Variants in SNCB observed in about 807,000 individuals in gnomAD.
SNCB encodes the protein synuclein beta.
In SNCB, 8 loss-of-function variants were observed where a neutral mutation model predicts 20.0. That is an observed-to-expected ratio of 0.40 (90% CI 0.24 to 0.72). The LOEUF is 0.72. Ranked by LOEUF, SNCB falls within the 30% of genes least tolerant of loss-of-function variation. SNCB has a pLI of 0.37. For synonymous variants in SNCB, 56 were observed against 65.4 expected (o/e 0.86, Z 0.69); for missense variants, 125 against 168.0 (o/e 0.74, Z 1.41).
Position 176,626,715 on chromosome 5 carries a change from A to G in SNCB, c.163+5T>C, listed in dbSNP as rs2113403269. On this transcript the variant is annotated splice_donor_5th_base_variant and intron_variant, in intron 3 of 5. Coordinates refer to ENST00000393693, the MANE Select transcript of SNCB (RefSeq NM_003085.5). This position sits in a 1 kb window ranked among gnomAD's most constrained non-coding sequence, Gnocchi z 4.2. Reference sequence around the variant, plus strand: ...GAAGGGCTGGTGCCAGGGCTGGGCTAGTACCTGAAGCCACACCTTGTACCA... The same window carrying G: ...GAAGGGCTGGTGCCAGGGCTGGGCTGGTACCTGAAGCCACACCTTGTACCA... The G allele has an allele frequency of 6.2e-7, 1 of 1,613,852 alleles. No individual in the cohort carries two copies. The highest frequency in any genetic ancestry group is 8.5e-7 in the Non-Finnish European group (1 of 1,179,932).
intron 2 of SNCB, among the ~76,000 whole-genome samples, chr5:176,627,624 G>A (rs906881779): frequency 4.6e-5 from 7 of 151,918 alleles, no homozygotes; most frequent in Non-Finnish European, 8.8e-5. Flanking sequence ...CAGTGATGGA[G>A]CCAGAACTGG....
In SNCB at chr5:176,626,969, C is replaced by T. The variant is rs1266442195; in HGVS notation, c.122-208G>A. Among the ~76,000 whole-genome samples, 1 of 152,188 alleles carries T rather than the reference C, an allele frequency of 6.6e-6. No homozygotes were observed. Among genetic ancestry groups the T allele is most frequent in the African/African-American group, 2.4e-5 (1 of 41,438 alleles). ...TGTCTGCAAGGGTTGCAGTTCTCTC[C>T]CACCTGATGCGATACCCCACCCCTC... On this transcript the variant is annotated intron_variant, in intron 2 of 5. Transcript: ENST00000393693. This position sits in a 1 kb window ranked among gnomAD's most constrained non-coding sequence, Gnocchi z 4.2.
chr5:176,628,923 C>T (rs556627319), intron 2 of SNCB, among the ~76,000 whole-genome samples: 48 of 152,178 alleles, frequency 3.2e-4, no homozygotes, highest in Admixed American at 7.9e-4. Flanking sequence ...GGAAAGTGGA[C>T]GGGGAAGAGA....
chr5:176,628,505 G>T (rs6873857), intron 2 of SNCB, among the ~76,000 whole-genome samples: 2 of 152,168 alleles, frequency 1.3e-5, no homozygotes, highest in African/African-American at 2.4e-5. Context: ...TCGTGGCCAT[G>T]ATAACAACGT....
chr5:176,624,818 C>CAAAAAAAAAAAAAAAAA (rs1202696856), intron 4 of SNCB, among the ~76,000 whole-genome samples: 1 of 133,004 alleles, frequency 7.5e-6, no homozygotes. Flanking sequence ...AAAAAAAAAA[C>CAAAAAAAAAAAAAAAAA]AAAAAAAAAC....
At chr5:176,623,600 G>T (rs1021932435) in intron 4 of SNCB, among the ~76,000 whole-genome samples, 1 of 152,192 alleles carries the variant, frequency 6.6e-6, no homozygotes, top group Non-Finnish European at 1.5e-5. Flanking sequence ...GGGTCACAAG[G>T]TGGGGTCCTG....
In SNCB at chr5:176,626,466, A is replaced by C; in HGVS notation, c.214T>G (p.Ser72Ala). ...GCTGCTGCGATGTTCCCTGCCCCAGAGAACACAGCTCCTCCCAGATGTGAG... is the reference window on the plus strand; with the variant it reads ...GCTGCTGCGATGTTCCCTGCCCCAGCGAACACAGCTCCTCCCAGATGTGAG... ...QASHLGGAVF[S>A]GAGNIAAATG... Residue 72 changes from serine (S) to alanine (A), a missense_variant, in exon 4 of 6, where the codon TCT becomes GCT. By Grantham distance (99) the Ser-to-Ala change is moderately conservative. Coordinates refer to ENST00000393693, the MANE Select transcript of SNCB (RefSeq NM_003085.5). The surrounding 1 kb of genome is among the most constrained non-coding windows in gnomAD (Gnocchi z 4.2). The C allele has an allele frequency of 6.2e-7, 1 of 1,614,070 alleles. No individual in the cohort carries two copies. The highest frequency in any genetic ancestry group is 1.1e-5 in the South Asian group (1 of 91,076).
In SNCB at chr5:176,626,532, G is replaced by T. The variant is rs748436541; in HGVS notation, c.164-16C>A. 35 of 1,597,258 alleles carry T rather than the reference G, an allele frequency of 2.2e-5. 1 individual carries two copies. Among genetic ancestry groups the T allele is most frequent in the Non-Finnish European group, 2.4e-5 (28 of 1,164,738 alleles). ...TTTTCAGCCACTGGAGCAGGGAGGG[G>T]GTTGAGGAAGGGGTTTGGGAGCCAG... On this transcript the variant is annotated splice_polypyrimidine_tract_variant and intron_variant, in intron 3 of 5. Transcript: ENST00000393693. The surrounding 1 kb of genome is among the most constrained non-coding windows in gnomAD (Gnocchi z 4.2).
rs1186553763 is a variant in SNCB at position 176,620,806 on chromosome 5, G to A, written c.*5C>T. Reference sequence around the variant, plus strand: ...TGTGCTGCTGGTGGGGGCTCTCCTGGGCCCCTACGCCTCTGGCTCATACTC... The same window carrying A: ...TGTGCTGCTGGTGGGGGCTCTCCTGAGCCCCTACGCCTCTGGCTCATACTC... On this transcript the variant is annotated 3_prime_UTR_variant, in exon 6 of 6. Transcript: ENST00000393693. The surrounding 1 kb of genome is among the most constrained non-coding windows in gnomAD (Gnocchi z 4.5). The A allele has an allele frequency of 6.2e-7, 1 of 1,611,838 alleles. No individual in the cohort carries two copies. The highest frequency in any genetic ancestry group is 1.7e-5 in the Admixed American group (1 of 60,018).
In SNCB at chr5:176,621,090, C is replaced by T. The variant is rs1759561039; in HGVS notation, c.372+124G>A. 1.2e-6 allele frequency: 1 copy of T among 861,502 alleles called. No homozygotes were observed. The highest frequency in any genetic ancestry group is 1.9e-6 in the Non-Finnish European group (1 of 522,854). The allele number at this position is 861,502 out of a possible 1,614,324, so 53.4% of individuals were successfully genotyped here. The stretch of plus-strand genomic sequence containing the variant: ...GCTCCCACCTCCTGGGGCCTGGGTT[C>T]TAGAAGAGGGATGTCAAGCTCCCTG... On this transcript the variant is annotated intron_variant, in intron 5 of 5. Coordinates refer to ENST00000393693, the MANE Select transcript of SNCB (RefSeq NM_003085.5). This position sits in a 1 kb window ranked among gnomAD's most constrained non-coding sequence, Gnocchi z 4.1.
Position 176,620,624 on chromosome 5 carries a change from G to GGGGTTGGACGCGGGC in SNCB, c.*172_*186dup. The GGGGTTGGACGCGGGC allele has an allele frequency of 1.6e-6, 1 of 623,944 alleles. No individual in the cohort carries two copies. The highest frequency in any genetic ancestry group is 2.9e-6 in the Non-Finnish European group (1 of 347,446). 38.7% of individuals were successfully genotyped at this position (623,944 alleles called of 1,614,324 possible). A position where few individuals can be genotyped will look rare whatever the true frequency, so the allele number is the denominator to read the frequency against. On this transcript the variant is annotated 3_prime_UTR_variant, in exon 6 of 6. Transcript: ENST00000393693. This position sits in a 1 kb window ranked among gnomAD's most constrained non-coding sequence, Gnocchi z 4.5. ...GCAACCCTGGCCCTGTCCATGCCCC[G>GGGGTTGGACGCGGGC]GGGTTGGACGCGGGCGGGTAGGACA...
chr5:176,629,683 G>C lies in SNCB; in HGVS notation c.-9-20C>G. 1 of 1,610,710 alleles carries C rather than the reference G, an allele frequency of 6.2e-7. No individual in the cohort carries two copies. The highest frequency in any genetic ancestry group is 8.5e-7 in the Non-Finnish European group (1 of 1,178,308). On this transcript the variant is annotated intron_variant, in intron 1 of 5. Coordinates refer to ENST00000393693, the MANE Select transcript of SNCB (RefSeq NM_003085.5). The surrounding 1 kb of genome is among the most constrained non-coding windows in gnomAD (Gnocchi z 4.1). ...GGCGGCCTGGGGAGGGCGATACACG[G>C]GCACCGGTGCACTGGCCCCGCACTC... is the stretch of plus-strand genomic sequence containing the variant.
In SNCB at chr5:176,621,774, G is replaced by A. The variant is rs1487568828; in HGVS notation, c.283-471C>T. On this transcript the variant is annotated intron_variant, in intron 4 of 5. Coordinates refer to ENST00000393693, the MANE Select transcript of SNCB (RefSeq NM_003085.5). This position sits in a 1 kb window ranked among gnomAD's most constrained non-coding sequence, Gnocchi z 4.1. ...CCTCCCCCGGGCCCTGTGTGGCCTC[G>A]TTTCTTCAGCTGTTGCTATTTTAAG... Among the ~76,000 whole-genome samples, 1 of 152,206 alleles carries A rather than the reference G, an allele frequency of 6.6e-6. No individual in the cohort carries two copies. Among genetic ancestry groups the A allele is most frequent in the African/African-American group, 2.4e-5 (1 of 41,450 alleles).
At position 176,626,748 on chromosome 5, in the gene SNCB, T is replaced by A. The variant is rs1369519468; in HGVS notation, c.135A>T (p.Arg45=). Residue 45 remains arginine, a synonymous_variant, in exon 3 of 6, where the codon CGA becomes CGT. Transcript: ENST00000393693. This position sits in a 1 kb window ranked among gnomAD's most constrained non-coding sequence, Gnocchi z 4.2. ...EGVLYVGSKT[R]EGVVQGVASV... is the part of the protein sequence containing the mutation. ...AAGCCACACCTTGTACCACACCTTCTCGGGTCTTGCTTCCTGCAGGGAGAA... is the reference window on the plus strand; with the variant it reads ...AAGCCACACCTTGTACCACACCTTCACGGGTCTTGCTTCCTGCAGGGAGAA... 3 of 1,614,064 alleles carry A rather than the reference T, an allele frequency of 1.9e-6. No individual in the cohort carries two copies. In the Admixed American group the frequency reaches 5.0e-5, roughly 27 times the overall value.
Position 176,629,546 on chromosome 5 carries a change from C to A in SNCB, c.109G>T (p.Val37Phe). The change falls in exon 2 of 6, where the codon GTC (valine) becomes TTC (phenylalanine). Residue 37 changes from valine to phenylalanine, a missense_variant. Transcript: ENST00000393693. This position sits in a 1 kb window ranked among gnomAD's most constrained non-coding sequence, Gnocchi z 4.1. ...TEAAEKTKEG[V>F]LYVGSKTREG... ...GCCCCTTACCCACCGACGTAGAGGA[C>A]GCCCTCCTTGGTCTTCTCCGCCGCC... 1 of 1,611,308 alleles carries A rather than the reference C, an allele frequency of 6.2e-7. No homozygotes were observed. Among genetic ancestry groups the A allele is most frequent in the Non-Finnish European group, 8.5e-7 (1 of 1,178,122 alleles).
rs1299071562 is a variant in SNCB at position 176,626,421 on chromosome 5, C to T, written c.259G>A (p.Glu87Lys). 9 of 1,613,150 alleles carry T rather than the reference C, an allele frequency of 5.6e-6. No individual in the cohort carries two copies. The African/African-American group carries it at 9.3e-5, about 17-fold the overall frequency. The change falls in exon 4 of 6, where the codon GAG becomes AAG. Residue 87 changes from glutamate (E) to lysine (K), a missense_variant. Glu to Lys is a moderately conservative substitution (Grantham distance 56). Coordinates refer to ENST00000393693, the MANE Select transcript of SNCB (RefSeq NM_003085.5). This position sits in a 1 kb window ranked among gnomAD's most constrained non-coding sequence, Gnocchi z 4.2. ...ACCTTCAGATCAGTAGGGAATTCCT[C>T]CCTCTTCACCAGTCCTGTGGCTGCT... ...IAAATGLVKR[E>K]EFPTDLKPEE...
At position 176,620,790 on chromosome 5, in the gene SNCB, G is replaced by A. The variant is rs1217567063; in HGVS notation, c.*21C>T. ...GGGACAGGGACAGAATTGTGCTGCTGGTGGGGGCTCTCCTGGGCCCCTACG... is the reference window on the plus strand; with the variant it reads ...GGGACAGGGACAGAATTGTGCTGCTAGTGGGGGCTCTCCTGGGCCCCTACG... On this transcript the variant is annotated 3_prime_UTR_variant, in exon 6 of 6. Transcript: ENST00000393693. This position sits in a 1 kb window ranked among gnomAD's most constrained non-coding sequence, Gnocchi z 4.5. 7 of 1,601,766 alleles carry A rather than the reference G, an allele frequency of 4.4e-6. No individual in the cohort carries two copies. The African/African-American group carries it at 8.0e-5, about 18-fold the overall frequency.
chr5:176,624,802 C>CAAAAAA (rs1282224621), intron 4 of SNCB, among the ~76,000 whole-genome samples: 17 of 50,862 alleles, frequency 3.3e-4, no homozygotes, highest in Non-Finnish European at 4.9e-4. Context: ...AACTCCGTCT[C>CAAAAAA]AAAAAAAAAA....
chr5:176,627,570 C>T (rs748895446), intron 2 of SNCB, among the ~76,000 whole-genome samples: 3 of 151,426 alleles, frequency 2.0e-5, no homozygotes, highest in African/African-American at 4.8e-5. Context: ...GAGACGGAAA[C>T]GGGGTGGGGA....
Sources: gnomAD v4.1 joint callset for allele counts (sites outside exome capture counted in the v4.1 genomes callset) on GRCh38, gnomAD v4.1.1 for gene constraint, Gnocchi (gnomAD v3.1) non-coding constraint, MANE v1.5 for transcripts, NCBI Gene and HGNC (gene_info 2026-07-23, HGNC 2026-07-21) for gene names.